The following MEIS2 variants were observed in gnomAD, a reference collection of about 807,000 sequenced individuals.
The protein encoded by MEIS2 is Meis homeobox 2.
A neutral mutation model predicts 58.6 loss-of-function variants in MEIS2; 9 were observed. The ratio of observed to expected loss-of-function variants is 0.15; its 90% CI spans 0.09 to 0.27. The LOEUF is 0.27. Among genes scored for constraint, MEIS2 ranks in the 10% least tolerant of loss-of-function variants. The pLI, the probability that MEIS2 is intolerant of heterozygous loss-of-function variation, is 1.00. For missense variants in MEIS2, 427 were observed against 635.0 expected, an observed-to-expected ratio of 0.67 and a Z score of 3.52; for synonymous variants, 221 against 228.4, an observed-to-expected ratio of 0.97 and a Z score of 0.29.
At chr15:37,046,515 G>A (rs2062677879) in intron 7 of MEIS2, among the ~76,000 whole-genome samples, 1 of 152,152 alleles carries the variant, frequency 6.6e-6, no homozygotes, top group Admixed American at 6.5e-5. Flanking sequence ...CCCACTGGTT[G>A]GAAAAATAAA....
intron 8 of MEIS2, among the ~76,000 whole-genome samples, chr15:36,983,042 G>T (rs1221413198): frequency 6.6e-6 from 1 of 152,008 alleles, no homozygotes; most frequent in Admixed American, 6.6e-5. Flanking sequence ...AAACACTTCG[G>T]ATATTATCTC....
At chr15:37,095,795 G>C (rs551955244) in intron 3 of MEIS2, 181 bp from the exon 4 acceptor site, 2 of 845,620 alleles carry the variant, frequency 2.4e-6, no homozygotes, top group Non-Finnish European at 3.6e-6. Context: ...GGGCATTCTG[G>C]TCCTGGCCCC....
chr15:37,001,950 T>A (rs1430254087), intron 8 of MEIS2, among the ~76,000 whole-genome samples: 1 of 152,206 alleles, frequency 6.6e-6, no homozygotes, highest in Non-Finnish European at 1.5e-5. Context: ...TTATTTTTAT[T>A]ACACAAAAGC....
At chr15:37,072,746 T>C (rs994977499) in intron 7 of MEIS2, among the ~76,000 whole-genome samples, 15 of 152,242 alleles carry the variant, frequency 9.9e-5, no homozygotes, top group African/African-American at 3.4e-4. Flanking sequence ...GTTACATATG[T>C]ATACATGTGC....
chr15:37,061,484 G>C (rs1889210613), intron 7 of MEIS2, among the ~76,000 whole-genome samples: 2 of 152,134 alleles, frequency 1.3e-5, no homozygotes, highest in South Asian at 4.1e-4. Flanking sequence ...TAGGTCTTTA[G>C]GGTAAAATCA....
In MEIS2 at chr15:37,099,499, C is replaced by A. The variant is rs201918475; in HGVS notation, c.-33G>T. 17 of 1,613,014 alleles carry A rather than the reference C, an allele frequency of 1.1e-5. No homozygotes were observed. The highest frequency in any genetic ancestry group is 1.4e-5 in the Non-Finnish European group (16 of 1,179,860). ...CGCTCCAATAAACTCCTGGATGTGT[C>A]GTATATTTAATATCCCAGTCCGGAT... is the stretch of plus-strand genomic sequence containing the variant. On this transcript the variant is annotated 5_prime_UTR_variant, in exon 1 of 12. Coordinates refer to ENST00000561208, the MANE Select transcript of MEIS2 (RefSeq NM_170675.5).
intron 9 of MEIS2, among the ~76,000 whole-genome samples, chr15:36,932,145 A>C (rs1015481007): frequency 2.0e-5 from 3 of 152,210 alleles, no homozygotes; most frequent in Non-Finnish European, 2.9e-5. Flanking sequence ...AATAATTATA[A>C]CCAAAGCAGA....
chr15:36,897,865 A>T (rs577925007), intron 9 of MEIS2: 12 of 152,196 alleles, frequency 7.9e-5, no homozygotes, highest in African/African-American at 2.6e-4. Context: ...GGAACTGAAA[A>T]CTCACTCTTT....
At chr15:37,024,056 C>A (rs910483802) in intron 8 of MEIS2, among the ~76,000 whole-genome samples, 2 of 151,664 alleles carry the variant, frequency 1.3e-5, no homozygotes, top group Non-Finnish European at 2.9e-5. Flanking sequence ...ATTATAGGCA[C>A]CCAGCTAATT....
chr15:37,048,151 TA>T (rs1326038162), intron 7 of MEIS2, among the ~76,000 whole-genome samples: 1 of 152,152 alleles, frequency 6.6e-6, no homozygotes, highest in Non-Finnish European at 1.5e-5. Flanking sequence ...GCCGTTTATA[TA>T]AAACACATTT....
chr15:36,909,902 G>A (rs1388136632), intron 9 of MEIS2, among the ~76,000 whole-genome samples: 1 of 151,850 alleles, frequency 6.6e-6, no homozygotes, highest in Non-Finnish European at 1.5e-5. Context: ...AGAAAGCGAA[G>A]GAGGAAGATT....
At chr15:36,945,497 G>A (rs1042519653) in intron 9 of MEIS2, among the ~76,000 whole-genome samples, 1 of 152,060 alleles carries the variant, frequency 6.6e-6, no homozygotes, top group African/African-American at 2.4e-5. Flanking sequence ...GGTGGTTAAT[G>A]AGCCTTCCTG....
intron 9 of MEIS2, among the ~76,000 whole-genome samples, chr15:36,916,114 C>T (rs1004895587): frequency 2.0e-5 from 3 of 147,720 alleles, no homozygotes; most frequent in Non-Finnish European, 4.5e-5. Context: ...TCTTCTTCTT[C>T]TTTTTTTTTT....
At chr15:37,039,521 C>T (rs1241138799) in intron 7 of MEIS2, among the ~76,000 whole-genome samples, 1 of 152,108 alleles carries the variant, frequency 6.6e-6, no homozygotes, top group East Asian at 1.9e-4. Flanking sequence ...AATCAATGAC[C>T]TTAAAAATGA....
At chr15:36,945,581 C>G (rs1035247805) in intron 9 of MEIS2, among the ~76,000 whole-genome samples, 3 of 151,966 alleles carry the variant, frequency 2.0e-5, no homozygotes, top group African/African-American at 7.2e-5. Context: ...CGTAATTGAA[C>G]AAGCTCCTAT....
At chr15:37,081,579 A>G (rs1452992531) in intron 7 of MEIS2, among the ~76,000 whole-genome samples, 1 of 152,186 alleles carries the variant, frequency 6.6e-6, no homozygotes, top group African/African-American at 2.4e-5. Flanking sequence ...GTCTGCTGTA[A>G]AAAGCCAGAA....
upstream of MEIS2, among the ~76,000 whole-genome samples, chr15:37,100,684 A>G (rs1895005709): frequency 6.7e-6 from 1 of 149,478 alleles, no homozygotes. Flanking sequence ...GGGGGAGGAA[A>G]AGGAGAGTGT....
chr15:37,097,798 G>A lies in MEIS2; in HGVS notation c.245+169C>T, dbSNP rs535145170. 5.8e-4 allele frequency among the ~76,000 whole-genome samples: 88 copies of A among 152,258 alleles called. 1 individual carries two copies. The highest frequency in any genetic ancestry group is 1.8e-3 in the African/African-American group (74 of 41,556). ...TAGTTCTTCGGGGCTTTGACTCCAG[G>A]GGCAGAAGAGCAGGCCCCCTCCACG... On this transcript the variant is annotated intron_variant, in intron 2 of 11. Transcript: ENST00000561208.
At chr15:37,083,312 C>G (rs1464610612) in intron 7 of MEIS2, among the ~76,000 whole-genome samples, 9 of 152,134 alleles carry the variant, frequency 5.9e-5, no homozygotes. Flanking sequence ...ATGTAAAATT[C>G]CACAATATTT....
Sources: gnomAD v4.1 joint callset for allele counts (sites outside exome capture counted in the v4.1 genomes callset) on GRCh38, gnomAD v4.1.1 for gene constraint, MANE v1.5 for transcripts, NCBI Gene and HGNC (gene_info 2026-07-23, HGNC 2026-07-21) for gene names.